ZDHHC20: variants seen among roughly 807,000 people sequenced by gnomAD.
ZDHHC20 encodes zDHHC palmitoyltransferase 20.
A neutral mutation model predicts 57.8 loss-of-function variants in ZDHHC20; 43 were observed. That is an observed-to-expected ratio of 0.74 (90% CI 0.58 to 0.96). ZDHHC20 has a LOEUF of 0.96. Ranked by LOEUF, ZDHHC20 falls within the 40% of genes least tolerant of loss-of-function variation. The probability of loss-of-function intolerance (pLI) is 0.00; values close to 1 mark genes in which losing one functional copy is unlikely to be tolerated. For synonymous variants in ZDHHC20, 157 were observed against 153.0 expected (o/e 1.03, Z -0.19); for missense variants, 391 against 441.1 (o/e 0.89, Z 1.02).
intron 1 of ZDHHC20, among the ~76,000 whole-genome samples, chr13:21,446,435 G>A (rs993071535): frequency 6.6e-6 from 1 of 152,124 alleles, no homozygotes; most frequent in Non-Finnish European, 1.5e-5. Context: ...CATTTAATAA[G>A]TTTGTGTTTG....
intron 7 of ZDHHC20, among the ~76,000 whole-genome samples, chr13:21,398,863 G>A (rs1274339941): frequency 6.6e-6 from 1 of 152,160 alleles, no homozygotes; most frequent in African/African-American, 2.4e-5. Context: ...CTAGGGCTAG[G>A]AACAGCAATT....
At chr13:21,436,813 T>C (rs1882596102) in intron 1 of ZDHHC20, among the ~76,000 whole-genome samples, 1 of 152,148 alleles carries the variant, frequency 6.6e-6, no homozygotes, top group African/African-American at 2.4e-5. Flanking sequence ...GAGAAAGACA[T>C]GTTAAAAACC....
rs556931824 is a variant in ZDHHC20 at position 21,425,542 on chromosome 13, A to G, written c.145+110T>C. On this transcript the variant is annotated intron_variant, in intron 2 of 12. Transcript: ENST00000400590. ...AATTACTTAAAATGTAAAGATAGGG[A>G]TTTTATTTCTAAAAAACAAAAACAC... 2,300 of 776,942 alleles carry G rather than the reference A, an allele frequency of 3.0e-3. 6 individuals are homozygous for G. The highest frequency in any genetic ancestry group is 3.6e-3 in the Non-Finnish European group (1,955 of 544,550). 48.1% of individuals were successfully genotyped at this position (776,942 alleles called of 1,614,324 possible).
rs1365374059 is a variant in ZDHHC20, at chr13:21,401,617, C to A, written c.473+36G>T. 4 of 1,526,286 alleles carry A rather than the reference C, an allele frequency of 2.6e-6. No homozygotes were observed. In the South Asian group the frequency reaches 5.3e-5, roughly 20 times the overall value. 94.5% of individuals were successfully genotyped at this position (1,526,286 alleles called of 1,614,324 possible). ...AAGTTACTCTAAATTCTCTCTCTCA[C>A]CACCAATGCAATTTCTTCTGTTTTT... On this transcript the variant is annotated intron_variant, in intron 6 of 12. Coordinates refer to ENST00000400590, the MANE Select transcript of ZDHHC20 (RefSeq NM_001330059.2).
intron 1 of ZDHHC20, among the ~76,000 whole-genome samples, chr13:21,435,601 A>G (rs1882463080): frequency 6.6e-6 from 1 of 152,226 alleles, no homozygotes; most frequent in Non-Finnish European, 1.5e-5. Context: ...TGAATCAATA[A>G]ATAAGTAAAT....
At chr13:21,398,761 A>T (rs1201192888) in intron 7 of ZDHHC20, among the ~76,000 whole-genome samples, 1 of 152,238 alleles carries the variant, frequency 6.6e-6, no homozygotes, top group Non-Finnish European at 1.5e-5. Flanking sequence ...GGTTGGTTTG[A>T]GACGTGCTGA....
At chr13:21,445,350 T>C (rs1222822850) in intron 1 of ZDHHC20, among the ~76,000 whole-genome samples, 1 of 152,174 alleles carries the variant, frequency 6.6e-6, no homozygotes, top group Non-Finnish European at 1.5e-5. Context: ...CCTATGAGTC[T>C]TTGTTTTTAA....
intron 3 of ZDHHC20, among the ~76,000 whole-genome samples, chr13:21,417,527 C>T (rs372968657): frequency 1.5e-3 from 224 of 152,230 alleles, no homozygotes; most frequent in Middle Eastern, 3.4e-3. Flanking sequence ...GCATCCTCTG[C>T]CTCCCAGGTT....
chr13:21,416,422 G>A (rs1879986064), intron 3 of ZDHHC20, among the ~76,000 whole-genome samples: 1 of 152,212 alleles, frequency 6.6e-6, no homozygotes, highest in Non-Finnish European at 1.5e-5. Flanking sequence ...TAAATTCAGT[G>A]TTCAGACAGT....
At chr13:21,392,974 T>C (rs1359589746) in intron 7 of ZDHHC20, among the ~76,000 whole-genome samples, 2 of 152,218 alleles carry the variant, frequency 1.3e-5, no homozygotes, top group African/African-American at 4.8e-5. Context: ...GACAACTCTC[T>C]GTAGACTTCC....
At chr13:21,381,031 G>A (rs918672430) in intron 11 of ZDHHC20, among the ~76,000 whole-genome samples, 1 of 151,068 alleles carries the variant, frequency 6.6e-6, no homozygotes, top group Non-Finnish European at 1.5e-5. Flanking sequence ...TTTTGAGATG[G>A]AGTCTCGCTC....
At position 21,382,462 on chromosome 13, in the gene ZDHHC20, CTCT is replaced by C. The variant is rs200133629; in HGVS notation, c.944+455_944+457del. Among the ~76,000 whole-genome samples the C allele has an allele frequency of 8.0e-3, 1,213 of 152,126 alleles. 18 individuals carry two copies. The highest frequency in any genetic ancestry group is 0.028 in the African/African-American group (1,160 of 41,480). ...CATGCAAATATTATGGGAAAATTTC[CTCT>C]AAGATGAATTAATGAAAAAAATTTG... On this transcript the variant is annotated intron_variant, in intron 10 of 12. Coordinates refer to ENST00000400590, the MANE Select transcript of ZDHHC20 (RefSeq NM_001330059.2).
intron 2 of ZDHHC20, among the ~76,000 whole-genome samples, chr13:21,423,198 T>A (rs1170882645): frequency 6.6e-6 from 1 of 152,234 alleles, no homozygotes; most frequent in Admixed American, 6.5e-5. Flanking sequence ...ATTCCACTTC[T>A]AAGCCAATAT....
At chr13:21,395,191 A>C (rs1876556025) in intron 7 of ZDHHC20, among the ~76,000 whole-genome samples, 1 of 150,480 alleles carries the variant, frequency 6.6e-6, no homozygotes, top group Admixed American at 6.6e-5. Context: ...CTCAGCCTCC[A>C]GAGTAGCTGG....
intron 1 of ZDHHC20, among the ~76,000 whole-genome samples, chr13:21,446,491 C>T (rs2138032739): frequency 6.6e-6 from 1 of 152,216 alleles, no homozygotes; most frequent in South Asian, 2.1e-4. Context: ...ATTAATTCTT[C>T]CTATGATTCC....
At position 21,433,236 on chromosome 13, in the gene ZDHHC20, T is replaced by C. The variant is rs181768340; in HGVS notation, c.119-7558A>G. On this transcript the variant is annotated intron_variant, in intron 1 of 12. Coordinates refer to ENST00000400590, the MANE Select transcript of ZDHHC20 (RefSeq NM_001330059.2). ...TCAGCCTCCCAAGTAGCTAGGACTA[T>C]AGGCCTCCTGAGTAGCTAGACAGCT... Among the ~76,000 whole-genome samples, 16 of 152,254 alleles carry C rather than the reference T, an allele frequency of 1.1e-4. No individual in the cohort carries two copies. The East Asian group carries it at 3.1e-3, about 29-fold the overall frequency.
intron 6 of ZDHHC20, 53 bp from the exon 7 acceptor site, chr13:21,400,546 C>T: frequency 6.6e-7 from 1 of 1,509,344 alleles, no homozygotes; most frequent in Non-Finnish European, 8.9e-7. Context: ...CACAAATTCA[C>T]AGAAATAGAA....
At position 21,421,045 on chromosome 13, in the gene ZDHHC20, C is replaced by T. The variant is rs751217712; in HGVS notation, c.249+16G>A. On this transcript the variant is annotated intron_variant, in intron 3 of 12. Coordinates refer to ENST00000400590, the MANE Select transcript of ZDHHC20 (RefSeq NM_001330059.2). Reference sequence around the variant, plus strand: ...ATCAGTTAAAACATTTGGTAATTTACCAACATTAAATTTACCTCTTTGGAG... The same window carrying T: ...ATCAGTTAAAACATTTGGTAATTTATCAACATTAAATTTACCTCTTTGGAG... The T allele has an allele frequency of 6.3e-7, 1 of 1,589,758 alleles. No homozygotes were observed. Among genetic ancestry groups the T allele is most frequent in the Non-Finnish European group, 8.6e-7 (1 of 1,160,066 alleles).
intron 1 of ZDHHC20, among the ~76,000 whole-genome samples, chr13:21,431,506 G>A (rs1264906850): frequency 6.6e-6 from 1 of 152,088 alleles, no homozygotes; most frequent in Non-Finnish European, 1.5e-5. Flanking sequence ...TGGGATTGCT[G>A]GGTCTAATGT....
Sources: allele counts gnomAD v4.1 joint callset (sites outside exome capture counted in the v4.1 genomes callset), GRCh38; gene constraint gnomAD v4.1.1; transcripts MANE v1.5; gene names NCBI Gene and HGNC (gene_info 2026-07-23, HGNC 2026-07-21).